Variants in RGS7 observed in about 807,000 individuals in gnomAD.
RGS7 encodes regulator of G-protein signaling 7.
RGS7 carries 27 observed loss-of-function variants against 81.1 expected under a neutral mutation model. The observed-to-expected ratio is 0.33, with a 90% CI of 0.25 to 0.46. The LOEUF is 0.46. Among genes scored for constraint, RGS7 ranks in the 20% least tolerant of loss-of-function variants. The pLI is 1.00. For synonymous variants in RGS7, 208 were observed against 207.7 expected, an observed-to-expected ratio of 1.00 and a Z score of -0.01; for missense variants, 396 against 607.4, an observed-to-expected ratio of 0.65 and a Z score of 3.66.
At chr1:241,274,704 T>G (rs980034580) in intron 2 of RGS7, among the ~76,000 whole-genome samples, 2 of 152,186 alleles carry the variant, frequency 1.3e-5, no homozygotes, top group Non-Finnish European at 2.9e-5. Flanking sequence ...AGGTTTAAAA[T>G]GAATACAATT....
intron 2 of RGS7, among the ~76,000 whole-genome samples, chr1:241,284,907 G>A (rs1003787313): frequency 6.6e-6 from 1 of 151,616 alleles, no homozygotes; most frequent in African/African-American, 2.4e-5. Context: ...GTCTCCCTCT[G>A]TCGCCCAGGC....
chr1:241,074,738 T>C (rs1387631861), intron 3 of RGS7, among the ~76,000 whole-genome samples: 1 of 152,116 alleles, frequency 6.6e-6, no homozygotes, highest in Non-Finnish European at 1.5e-5. Flanking sequence ...GCTCAAACCA[T>C]ATGAACCGAG....
rs2063966762 is a variant in RGS7, at chr1:241,092,731, C to T, written c.175+5935G>A. Among the ~76,000 whole-genome samples, 4 of 152,088 alleles carry T rather than the reference C, an allele frequency of 2.6e-5. No homozygotes were observed. The South Asian group carries it at 8.3e-4, about 32-fold the overall frequency. The stretch of plus-strand genomic sequence containing the variant: ...ATGGGGCAGATTCCGGGCAAAACCA[C>T]TCCTTACCACAAAGCAGACACTTCT... On this transcript the variant is annotated intron_variant, in intron 3 of 18. Coordinates refer to ENST00000440928, the MANE Select transcript of RGS7 (RefSeq NM_001364886.1).
At chr1:240,991,455 C>T (rs981686467) in intron 3 of RGS7, among the ~76,000 whole-genome samples, 1 of 152,106 alleles carries the variant, frequency 6.6e-6, no homozygotes, top group Admixed American at 6.5e-5. Flanking sequence ...TTTCCCAAGT[C>T]GCATTCAGAG....
At position 240,937,227 on chromosome 1, in the gene RGS7, C is replaced by A. The variant is rs188758751; in HGVS notation, c.227-521G>T. 9.3e-4 allele frequency among the ~76,000 whole-genome samples: 142 copies of A among 152,274 alleles called. 3 individuals carry two copies. The highest frequency in any genetic ancestry group is 7.7e-3 in the Admixed American group (118 of 15,286). On this transcript the variant is annotated intron_variant, in intron 4 of 18. Transcript: ENST00000440928. ...GACTAATAGCGTTAGGGATAAAAACCCCTTCCCTCCTTTGTTCGGTGTGCT... is the reference window on the plus strand; with the variant it reads ...GACTAATAGCGTTAGGGATAAAAACACCTTCCCTCCTTTGTTCGGTGTGCT...
intron 2 of RGS7, among the ~76,000 whole-genome samples, chr1:241,172,008 C>G (rs371540427): frequency 6.6e-5 from 10 of 152,296 alleles, no homozygotes; most frequent in South Asian, 2.1e-4. Context: ...AAAAGAAGAG[C>G]ATTACTTTCA....
chr1:240,922,490 C>G (rs747279351), intron 6 of RGS7, among the ~76,000 whole-genome samples: 1 of 151,864 alleles, frequency 6.6e-6, no homozygotes, highest in Non-Finnish European at 1.5e-5. Flanking sequence ...CACTGGTATC[C>G]ACAATATACA....
In RGS7 at chr1:240,988,543, C is replaced by A. The variant is rs187494164; in HGVS notation, c.176-5414G>T. 1.5e-3 allele frequency among the ~76,000 whole-genome samples: 222 copies of A among 152,250 alleles called. 1 individual carries two copies. Among genetic ancestry groups the A allele is most frequent in the African/African-American group, 4.7e-3 (194 of 41,538 alleles). On this transcript the variant is annotated intron_variant, in intron 3 of 18. Transcript: ENST00000440928. The stretch of plus-strand genomic sequence containing the variant: ...TGAATTAATGAACTAAATTTCTCCA[C>A]AATCTTTCCAATAAGTAATTGCTAA...
chr1:241,021,399 A>C (rs556501562), intron 3 of RGS7, among the ~76,000 whole-genome samples: 1 of 152,186 alleles, frequency 6.6e-6, no homozygotes, highest in Non-Finnish European at 1.5e-5. Flanking sequence ...TCAGTCTGTA[A>C]TTCATTTTCA....
chr1:241,215,789 A>G (rs2074512597), intron 2 of RGS7, among the ~76,000 whole-genome samples: 1 of 152,216 alleles, frequency 6.6e-6, no homozygotes. Context: ...TGCTTTCATT[A>G]ACTTGAAAAT....
chr1:241,334,636 C>T (rs769309193), intron 2 of RGS7, among the ~76,000 whole-genome samples: 2 of 152,086 alleles, frequency 1.3e-5, no homozygotes, highest in East Asian at 3.8e-4. Context: ...CAGTAGTAAC[C>T]ACTCAATTCA....
rs757154730 is a variant in RGS7 at position 241,110,663 on chromosome 1, ATT to A, written c.79-11903_79-11902del. ...TTTTTATTTTATTTTATTTTATTTTATTTTATTATTGAGACAGGGTCTCACTC... is the reference window on the plus strand; with the variant it reads ...TTTTTATTTTATTTTATTTTATTTTATTATTATTGAGACAGGGTCTCACTC... On this transcript the variant is annotated intron_variant, in intron 2 of 18. Coordinates refer to ENST00000440928, the MANE Select transcript of RGS7 (RefSeq NM_001364886.1). 7.7e-3 allele frequency among the ~76,000 whole-genome samples: 1,140 copies of A among 148,760 alleles called. 9 individuals carry two copies. The highest frequency in any genetic ancestry group is 0.012 in the Non-Finnish European group (816 of 67,348).
chr1:241,075,519 C>T (rs2502414), intron 3 of RGS7, among the ~76,000 whole-genome samples: 4,094 of 152,210 alleles, frequency 0.027, 183 homozygotes, highest in African/African-American at 0.093. Context: ...AGTATTTTGG[C>T]TTCCCTGAGC....
At chr1:241,092,250 G>C (rs926757721) in intron 3 of RGS7, among the ~76,000 whole-genome samples, 1 of 152,184 alleles carries the variant, frequency 6.6e-6, no homozygotes, top group Non-Finnish European at 1.5e-5. Context: ...GTTTAAAATA[G>C]TACCACAAAT....
At chr1:240,866,507 T>C (rs1663289877) in intron 9 of RGS7, among the ~76,000 whole-genome samples, 1 of 135,794 alleles carries the variant, frequency 7.4e-6, no homozygotes, top group Non-Finnish European at 1.6e-5. Context: ...CGAGACTCCG[T>C]CTCAAAAAAA....
chr1:240,848,765 C>G (rs1258762977), intron 9 of RGS7, among the ~76,000 whole-genome samples: 1 of 151,956 alleles, frequency 6.6e-6, no homozygotes, highest in Non-Finnish European at 1.5e-5. Flanking sequence ...GAAAAAAACT[C>G]AATTCTCCCA....
rs1021972384 is a variant in RGS7, at chr1:241,307,372, C to T, written c.78+48327G>A. ...AACCACTGTCATGGCAGAGAAATAA[C>T]AAATGCATATTATATTTTTTAAAAT... is the stretch of plus-strand genomic sequence containing the variant. On this transcript the variant is annotated intron_variant, in intron 2 of 18. Coordinates refer to ENST00000440928, the MANE Select transcript of RGS7 (RefSeq NM_001364886.1). 3.9e-5 allele frequency among the ~76,000 whole-genome samples: 6 copies of T among 152,296 alleles called. No individual in the cohort carries two copies. In the South Asian group the frequency reaches 1.2e-3, roughly 32 times the overall value.
At chr1:240,914,836 C>T (rs1672331815) in intron 6 of RGS7, among the ~76,000 whole-genome samples, 1 of 152,070 alleles carries the variant, frequency 6.6e-6, no homozygotes, top group Non-Finnish European at 1.5e-5. Context: ...AAACCATTGA[C>T]CCCATGATTG....
chr1:241,282,413 G>C (rs930661655), intron 2 of RGS7, among the ~76,000 whole-genome samples: 34 of 152,040 alleles, frequency 2.2e-4, no homozygotes, highest in African/African-American at 8.2e-4. Flanking sequence ...TGTGTATCTT[G>C]GGTTTCTTCT....
Sources: gnomAD v4.1 joint callset for allele counts (sites outside exome capture counted in the v4.1 genomes callset) on GRCh38, gnomAD v4.1.1 for gene constraint, MANE v1.5 for transcripts, NCBI Gene and HGNC (gene_info 2026-07-23, HGNC 2026-07-21) for gene names.